SGSM1: variants seen among roughly 807,000 people sequenced by gnomAD.
SGSM1 encodes the protein RUN and TBC1 domain containing 2.
In SGSM1, 73 loss-of-function variants were observed where a neutral mutation model predicts 133.8. The ratio of observed to expected loss-of-function variants is 0.55; its 90% CI spans 0.45 to 0.66. The LOEUF is 0.66. SGSM1 is among the 30% of genes least tolerant of loss of function. The probability of loss-of-function intolerance (pLI) is 0.00; values close to 1 mark genes in which losing one functional copy is unlikely to be tolerated. For synonymous variants in SGSM1, 563 were observed against 573.0 expected, an observed-to-expected ratio of 0.98 and a Z score of 0.25; for missense variants, 1,213 against 1,448.1, an observed-to-expected ratio of 0.84 and a Z score of 2.64.
In SGSM1 at chr22:24,868,830, C is replaced by T. The variant is rs761341423; in HGVS notation, c.1266C>T (p.Ile422=). Residue 422 remains isoleucine, a synonymous_variant, in exon 12 of 25, where the codon ATC becomes ATT. Coordinates refer to ENST00000400358, the MANE Select transcript of SGSM1 (RefSeq NM_001098497.3). ...CCACGGATTATGTGTTCAGGATCAT[C>T]TACCCTGGCATGCAGTCGGAATTCG... is the stretch of plus-strand genomic sequence containing the variant. ...DEATDYVFRI[I]YPGMQSEFVP... 1 of 1,613,956 alleles carries T rather than the reference C, an allele frequency of 6.2e-7. No homozygotes were observed. Among genetic ancestry groups the T allele is most frequent in the South Asian group, 1.1e-5 (1 of 91,078 alleles).
chr22:24,906,623 G>A (rs1423633147), intron 21 of SGSM1, among the ~76,000 whole-genome samples: 1 of 152,134 alleles, frequency 6.6e-6, no homozygotes, highest in East Asian at 1.9e-4. Flanking sequence ...AATTTTATTT[G>A]CAATAGCATC....
At chr22:24,809,392 C>T (rs544089156) in intron 2 of SGSM1, among the ~76,000 whole-genome samples, 1 of 152,342 alleles carries the variant, frequency 6.6e-6, no homozygotes, top group East Asian at 1.9e-4. Flanking sequence ...GTATATCTGT[C>T]TTCTGTGTGT....
rs149383605 is a variant in SGSM1 at position 24,829,279 on chromosome 22, A to G, written c.64-15618A>G. 3.9e-4 allele frequency among the ~76,000 whole-genome samples: 59 copies of G among 152,294 alleles called. 1 individual carries two copies. The highest frequency in any genetic ancestry group is 1.7e-3 in the East Asian group (9 of 5,180). ...CCATTATCCTTAGCAGACTAATGCA[A>G]AGCAGAAAAACAAATACCACATGTT... On this transcript the variant is annotated intron_variant, in intron 2 of 24. Transcript: ENST00000400358.
intron 2 of SGSM1, among the ~76,000 whole-genome samples, chr22:24,820,578 C>T (rs1472233477): frequency 6.6e-6 from 1 of 152,216 alleles, no homozygotes; most frequent in East Asian, 1.9e-4. Flanking sequence ...TCCCCCCTCC[C>T]CACTGCCACC....
At chr22:24,812,221 C>T (rs575959049) in intron 2 of SGSM1, among the ~76,000 whole-genome samples, 4 of 151,694 alleles carry the variant, frequency 2.6e-5, no homozygotes, top group South Asian at 4.2e-4. Flanking sequence ...TAATTTCCTA[C>T]GTGTTTGCTG....
Position 24,855,662 on chromosome 22 carries a change from C to T in SGSM1, c.783C>T (p.Asn261=), listed in dbSNP as rs1467071196. 6.2e-7 allele frequency: 1 copy of T among 1,614,000 alleles called. No individual in the cohort carries two copies. Among genetic ancestry groups the T allele is most frequent in the East Asian group, 2.2e-5 (1 of 44,876 alleles). Reference sequence around the variant, plus strand: ...GTGCCACCCTTCTCTATGGCAAAAACAACGTTCTTGTTCAGCCGGTGAGAG... The same window carrying T: ...GTGCCACCCTTCTCTATGGCAAAAATAACGTTCTTGTTCAGCCGGTGAGAG... ...NSRATLLYGK[N]NVLVQPRDDM... is the part of the protein sequence containing the mutation. Residue 261 remains asparagine (N), a synonymous_variant, in exon 8 of 25, where the codon AAC becomes AAT. Transcript: ENST00000400358.
At chr22:24,831,189 C>A (rs776553873) in intron 2 of SGSM1, among the ~76,000 whole-genome samples, 40 of 151,268 alleles carry the variant, frequency 2.6e-4, no homozygotes, top group Non-Finnish European at 5.6e-4. Context: ...GGAGGTGGAG[C>A]GCAGGTGGGT....
chr22:24,813,555 C>T (rs1040106495), intron 2 of SGSM1: 3 of 152,162 alleles, frequency 2.0e-5, no homozygotes, highest in South Asian at 2.1e-4. Flanking sequence ...TGGGGCTCTC[C>T]GATGCTGGCA....
chr22:24,816,413 C>CTTTTTTTTTTTT (rs1479240071), intron 2 of SGSM1, among the ~76,000 whole-genome samples: 4 of 116,464 alleles, frequency 3.4e-5, no homozygotes, highest in African/African-American at 1.1e-4. Context: ...TCTTTTTTTT[C>CTTTTTTTTTTTT]TTTCTTTTTT....
intron 13 of SGSM1, among the ~76,000 whole-genome samples, chr22:24,878,360 T>C (rs6004341): frequency 0.17 from 25,924 of 152,120 alleles, 4,294 homozygotes; most frequent in African/African-American, 0.43. Context: ...AGCTCACTAC[T>C]TTGCAGAAAG....
At chr22:24,806,398 C>A (rs752600296) in intron 1 of SGSM1, 43 bp from the exon 2 acceptor site, 559 of 1,513,156 alleles carry the variant, frequency 3.7e-4, no homozygotes, top group Non-Finnish European at 4.7e-4. Flanking sequence ...GGCCCCCGCA[C>A]CCTCTCTCGG....
At position 24,926,812 on chromosome 22, in the gene SGSM1, T is replaced by G. The variant is rs1022916335; in HGVS notation, c.*2538T>G. The G allele has an allele frequency of 1.3e-5, 2 of 152,004 alleles. No homozygotes were observed. Among genetic ancestry groups the G allele is most frequent in the African/African-American group, 4.8e-5 (2 of 41,384 alleles). 9.4% of individuals were successfully genotyped at this position (152,004 alleles called of 1,614,324 possible). A position where few individuals can be genotyped will look rare whatever the true frequency, so the allele number is the denominator to read the frequency against. On this transcript the variant is annotated 3_prime_UTR_variant, in exon 25 of 25. Transcript: ENST00000400358. ...TTTGCTGAAGAGTTGTGTCTATATATAGAGAAAATATATATAAACAGAGAA... is the reference window on the plus strand; with the variant it reads ...TTTGCTGAAGAGTTGTGTCTATATAGAGAGAAAATATATATAAACAGAGAA...
intron 2 of SGSM1, among the ~76,000 whole-genome samples, chr22:24,818,146 C>T (rs1413942458): frequency 6.6e-5 from 10 of 151,102 alleles, no homozygotes; most frequent in South Asian, 2.1e-4. Flanking sequence ...GCAGGAGAAT[C>T]GCTTCAACCC....
intron 3 of SGSM1, among the ~76,000 whole-genome samples, chr22:24,846,761 A>T (rs1930171818): frequency 6.6e-6 from 1 of 152,186 alleles, no homozygotes; most frequent in South Asian, 2.1e-4. Context: ...TAAAATTAAG[A>T]TATCTAAGAG....
intron 8 of SGSM1, among the ~76,000 whole-genome samples, chr22:24,858,149 A>T (rs1930916902): frequency 6.6e-6 from 1 of 152,044 alleles, no homozygotes; most frequent in African/African-American, 2.4e-5. Context: ...GCTAATTTTT[A>T]AATTATTTTT....
intron 12 of SGSM1, among the ~76,000 whole-genome samples, chr22:24,875,836 T>G (rs1932000148): frequency 6.6e-6 from 1 of 152,154 alleles, no homozygotes; most frequent in Admixed American, 6.5e-5. Context: ...AAGCTATGAG[T>G]GCTGTATCCT....
Position 24,927,492 on chromosome 22 carries a change from G to C in SGSM1, c.*3218G>C, listed in dbSNP as rs1934238465. ...GAAAGTGACACTGAAAAGGAGCATGGGCCAGGCACAGTGGCTTACCCCTGT... is the reference window on the plus strand; with the variant it reads ...GAAAGTGACACTGAAAAGGAGCATGCGCCAGGCACAGTGGCTTACCCCTGT... On this transcript the variant is annotated 3_prime_UTR_variant, in exon 25 of 25. Transcript: ENST00000400358. 6.6e-6 allele frequency: 1 copy of C among 152,224 alleles called. No homozygotes were observed. Among genetic ancestry groups the C allele is most frequent in the Non-Finnish European group, 1.5e-5 (1 of 68,114 alleles). The allele number at this position is 152,224 out of a possible 1,614,324, so 9.4% of individuals were successfully genotyped here. A position where few individuals can be genotyped will look rare whatever the true frequency, so the allele number is the denominator to read the frequency against.
intron 6 of SGSM1, 80 bp from the exon 7 acceptor site, chr22:24,855,205 G>C: frequency 6.4e-7 from 1 of 1,553,964 alleles, no homozygotes; most frequent in African/African-American, 1.4e-5. Context: ...GGAGGGTAGT[G>C]AGATGGGCGG....
At chr22:24,842,185 T>C (rs1929844798) in intron 2 of SGSM1, among the ~76,000 whole-genome samples, 1 of 152,026 alleles carries the variant, frequency 6.6e-6, no homozygotes, top group Admixed American at 6.6e-5. Context: ...AAGAAAGAGG[T>C]AGATTCCTGC....
Sources: gnomAD v4.1 joint callset for allele counts (sites outside exome capture counted in the v4.1 genomes callset) on GRCh38, gnomAD v4.1.1 for gene constraint, MANE v1.5 for transcripts, NCBI Gene and HGNC (gene_info 2026-07-23, HGNC 2026-07-21) for gene names.